SBNO2: variants seen among roughly 807,000 people sequenced by gnomAD.
The protein encoded by SBNO2 is strawberry notch homolog 2.
A neutral mutation model predicts 146.3 loss-of-function variants in SBNO2; 89 were observed. That is an observed-to-expected ratio of 0.61 (90% CI 0.51 to 0.73). The LOEUF is 0.73. SBNO2 is among the 30% of genes least tolerant of loss of function. SBNO2 has a pLI of 0.00. For synonymous variants in SBNO2, 1,147 were observed against 892.6 expected (o/e 1.29, Z -5.08); for missense variants, 2,092 against 2,003.7 (o/e 1.04, Z -0.84).
intron 1 of SBNO2, among the ~76,000 whole-genome samples, chr19:1,160,591 G>C (rs186277687): frequency 1.3e-5 from 2 of 151,980 alleles, no homozygotes; most frequent in Admixed American, 1.3e-4. Context: ...GGACCCACTG[G>C]GGGTCTCGGC....
chr19:1,122,566 G>T lies in SBNO2; in HGVS notation c.915-8C>A. 1 of 1,532,662 alleles carries T rather than the reference G, an allele frequency of 6.5e-7. No homozygotes were observed. Among genetic ancestry groups the T allele is most frequent in the Non-Finnish European group, 8.8e-7 (1 of 1,139,586 alleles). 94.9% of individuals were successfully genotyped at this position (1,532,662 alleles called of 1,614,324 possible). On this transcript the variant is annotated splice_region_variant and splice_polypyrimidine_tract_variant and intron_variant, in intron 9 of 31. Coordinates refer to ENST00000361757, the MANE Select transcript of SBNO2 (RefSeq NM_014963.3). ...TCGTTGGAGACGCTGAACCTGCGGG[G>T]TGGGGGCGTCAGGCGCGCCCACCCT...
At chr19:1,122,868 G>C in intron 8 of SBNO2, 26 bp downstream of exon 8, 1 of 1,540,226 alleles carries the variant, frequency 6.5e-7, no homozygotes. Context: ...GACACAGGCT[G>C]GGCTGGGTTG....
rs2080298096 is a variant in SBNO2, at chr19:1,157,138, A to C, written c.-126-2736T>G. Reference sequence around the variant, plus strand: ...GTCCTGTCCGAGGGCCCACGCCCCCAAGGGCTGGCTCCCACCCCATGGTCC... The same window carrying C: ...GTCCTGTCCGAGGGCCCACGCCCCCCAGGGCTGGCTCCCACCCCATGGTCC... On this transcript the variant is annotated intron_variant, in intron 1 of 31. Coordinates refer to ENST00000361757, the MANE Select transcript of SBNO2 (RefSeq NM_014963.3). The surrounding 1 kb of genome is among the most constrained non-coding windows in gnomAD (Gnocchi z 6.8). 1.3e-5 allele frequency among the ~76,000 whole-genome samples: 2 copies of C among 149,040 alleles called. No individual in the cohort carries two copies. Among genetic ancestry groups the C allele is most frequent in the African/African-American group, 2.5e-5 (1 of 40,072 alleles).
intron 19 of SBNO2, 40 bp downstream of exon 19, chr19:1,113,495 T>A: frequency 1.5e-5 from 22 of 1,466,012 alleles, no homozygotes; most frequent in African/African-American, 2.9e-5. Flanking sequence ...CCACTGCCCA[T>A]GCCCCGCCCA....
At chr19:1,114,589 C>T (rs1168770987) in intron 17 of SBNO2, among the ~76,000 whole-genome samples, 167 bp from the exon 18 acceptor site, 1 of 152,146 alleles carries the variant, frequency 6.6e-6, no homozygotes, top group East Asian at 1.9e-4. Context: ...GGGACGCCCT[C>T]TAGGGAACCC....
intron 1 of SBNO2, among the ~76,000 whole-genome samples, chr19:1,164,648 C>CAGG (rs1329473669): frequency 1.8e-4 from 3 of 16,552 alleles, no homozygotes; most frequent in East Asian, 2.3e-3. Flanking sequence ...GGAGGAGGAA[C>CAGG]AGGAGGAGGA....
chr19:1,147,431 A>ACGGAG lies in SBNO2; in HGVS notation c.168-12_168-11insCTCCG. 3.4e-6 allele frequency: 2 copies of ACGGAG among 591,010 alleles called. No homozygotes were observed. The highest frequency in any genetic ancestry group is 2.6e-6 in the Non-Finnish European group (1 of 381,562). 36.6% of individuals were successfully genotyped at this position (591,010 alleles called of 1,614,324 possible). On this transcript the variant is annotated splice_polypyrimidine_tract_variant and intron_variant, in intron 3 of 31. Transcript: ENST00000361757. ...GAGCTCATGAACGGGCTGGAGGGAG[A>ACGGAG]TGGGGGGGGGGGAGGTGAGATGGGG... is the stretch of plus-strand genomic sequence containing the variant.
rs552379826 is a variant in SBNO2, at chr19:1,109,871, G to A, written c.3029-94C>T. 18 of 864,300 alleles carry A rather than the reference G, an allele frequency of 2.1e-5. 1 individual carries two copies. The highest frequency in any genetic ancestry group is 1.4e-4 in the South Asian group (8 of 57,770). 53.5% of individuals were successfully genotyped at this position (864,300 alleles called of 1,614,324 possible). A position where few individuals can be genotyped will look rare whatever the true frequency, so the allele number is the denominator to read the frequency against. ...CGTAGCCGGGGCGCACCCTAGAGACGACCCCCCGAGAGCACAGGAGAGGGT... is the reference window on the plus strand; with the variant it reads ...CGTAGCCGGGGCGCACCCTAGAGACAACCCCCCGAGAGCACAGGAGAGGGT... On this transcript the variant is annotated intron_variant, in intron 26 of 31. Coordinates refer to ENST00000361757, the MANE Select transcript of SBNO2 (RefSeq NM_014963.3). The surrounding 1 kb of genome is among the most constrained non-coding windows in gnomAD (Gnocchi z 4.2).
chr19:1,127,025 T>C (rs1403764183), intron 5 of SBNO2, among the ~76,000 whole-genome samples: 1 of 151,994 alleles, frequency 6.6e-6, no homozygotes, highest in Non-Finnish European at 1.5e-5. Flanking sequence ...CCACGGACAA[T>C]GTCCAGCTCC....
intron 2 of SBNO2, among the ~76,000 whole-genome samples, chr19:1,149,695 C>A (rs1401167175): frequency 6.6e-6 from 1 of 152,232 alleles, no homozygotes; most frequent in African/African-American, 2.4e-5. Context: ...AAGGGCTCAG[C>A]ACAGGTCTTG....
intron 4 of SBNO2, among the ~76,000 whole-genome samples, chr19:1,132,667 C>G (rs574820693): frequency 1.3e-5 from 2 of 152,348 alleles, no homozygotes; most frequent in East Asian, 3.9e-4. Flanking sequence ...CTGCGCCCCC[C>G]TGGGGCTCTC....
At chr19:1,160,112 G>A (rs2080330104) in intron 1 of SBNO2, among the ~76,000 whole-genome samples, 1 of 152,172 alleles carries the variant, frequency 6.6e-6, no homozygotes, top group Non-Finnish European at 1.5e-5. Flanking sequence ...CTGGCTGTGG[G>A]TGCTGGTGGG....
intron 17 of SBNO2, 32 bp downstream of exon 17, chr19:1,115,989 G>T: frequency 6.4e-7 from 1 of 1,552,338 alleles, no homozygotes. Context: ...AGAGGGGCAG[G>T]GGTGGGTGGG....
At position 1,144,829 on chromosome 19, in the gene SBNO2, CAG is replaced by C. The variant is rs1222651380; in HGVS notation, c.279+2478_279+2479del. Among the ~76,000 whole-genome samples, 1 of 127,152 alleles carries C rather than the reference CAG, an allele frequency of 7.9e-6. No individual in the cohort carries two copies. The highest frequency in any genetic ancestry group is 1.7e-5 in the Non-Finnish European group (1 of 60,284). The allele number at this position is 127,152 out of a possible 152,430, so 83.4% of individuals were successfully genotyped here. Reference sequence around the variant, plus strand: ...AGAGAGACAGAGACAGAGAGGGAGACAGAGAGACAGGGGCAGAGACAAGCAGA... The same window carrying C: ...AGAGAGACAGAGACAGAGAGGGAGACAGAGACAGGGGCAGAGACAAGCAGA... On this transcript the variant is annotated intron_variant, in intron 4 of 31. Transcript: ENST00000361757. This position sits in a 1 kb window ranked among gnomAD's most constrained non-coding sequence, Gnocchi z 4.1.
At chr19:1,116,986 G>A (rs1380346307) in intron 15 of SBNO2, 60 bp from the exon 16 acceptor site, 132 of 1,453,566 alleles carry the variant, frequency 9.1e-5, no homozygotes, top group Non-Finnish European at 1.2e-4. Context: ...TGTGGGGCCA[G>A]AACCTGCCAG....
rs2079806823 is a variant in SBNO2, at chr19:1,114,429, G to A, written c.1886-7C>T. 3 of 1,517,024 alleles carry A rather than the reference G, an allele frequency of 2.0e-6. No individual in the cohort carries two copies. The highest frequency in any genetic ancestry group is 2.7e-6 in the Non-Finnish European group (3 of 1,128,780). The allele number at this position is 1,517,024 out of a possible 1,614,324, so 94.0% of individuals were successfully genotyped here. On this transcript the variant is annotated splice_region_variant and splice_polypyrimidine_tract_variant and intron_variant, in intron 17 of 31. Transcript: ENST00000361757. ...CCGCGTCCCCGAGGTCGCCCTGCAG[G>A]GAAGGACAGGGTCACCGAGGGCCAG... is the stretch of plus-strand genomic sequence containing the variant.
chr19:1,142,967 GA>G (rs913747561), intron 4 of SBNO2, among the ~76,000 whole-genome samples: 48 of 151,818 alleles, frequency 3.2e-4, no homozygotes, highest in Non-Finnish European at 5.7e-4. Context: ...TCGGTCTCCA[GA>G]AAAAAAAGTC....
At chr19:1,114,098 A>T in intron 18 of SBNO2, 133 bp downstream of exon 18, 1 of 800,206 alleles carries the variant, frequency 1.2e-6, no homozygotes, top group Non-Finnish European at 1.9e-6. Context: ...ACTGAGGGCT[A>T]CAACCTGGGG....
intron 24 of SBNO2, 77 bp downstream of exon 24, chr19:1,111,429 G>T: frequency 9.9e-7 from 1 of 1,012,682 alleles, no homozygotes; most frequent in Non-Finnish European, 1.5e-6. Context: ...TACAAAGCCT[G>T]CTGCCCCAGC....
Sources: allele counts gnomAD v4.1 joint callset (sites outside exome capture counted in the v4.1 genomes callset), GRCh38; gene constraint gnomAD v4.1.1; non-coding constraint Gnocchi (gnomAD v3.1); transcripts MANE v1.5; gene names NCBI Gene and HGNC (gene_info 2026-07-23, HGNC 2026-07-21).